The following SATB2 variants were observed in gnomAD, a reference collection of about 807,000 sequenced individuals.
SATB2 encodes the protein DNA-binding protein SATB2.
A neutral mutation model predicts 73.4 loss-of-function variants in SATB2; 1 was observed. The ratio of observed to expected loss-of-function variants is 0.01; its 90% CI spans 0.00 to 0.06. The LOEUF (loss-of-function observed/expected upper bound fraction) is 0.06, where lower values mean the gene tolerates loss of function less well. Among genes scored for constraint, SATB2 ranks in the 10% least tolerant of loss-of-function variants. SATB2 has a pLI of 1.00. For missense variants in SATB2, 459 were observed against 945.8 expected, an observed-to-expected ratio of 0.49 and a Z score of 6.75; for synonymous variants, 397 against 367.0, an observed-to-expected ratio of 1.08 and a Z score of -0.93.
chr2:199,339,561 A>T (rs1362266687), intron 7 of SATB2, among the ~76,000 whole-genome samples: 2 of 152,066 alleles, frequency 1.3e-5, no homozygotes, highest in Non-Finnish European at 2.9e-5. Context: ...TCCTTTTTTC[A>T]CAGGTTTCCT....
At chr2:199,387,163 A>G (rs1187700237) in intron 3 of SATB2, among the ~76,000 whole-genome samples, 1 of 152,200 alleles carries the variant, frequency 6.6e-6, no homozygotes, top group Non-Finnish European at 1.5e-5. Flanking sequence ...TTTCAAGGAC[A>G]TAAGTGGATG....
At chr2:199,447,987 C>G (rs79648389) in intron 2 of SATB2, among the ~76,000 whole-genome samples, 145 of 152,192 alleles carry the variant, frequency 9.5e-4, no homozygotes, top group African/African-American at 3.3e-3. Context: ...GAAATGGGTC[C>G]AAAACAACAT....
intron 3 of SATB2, among the ~76,000 whole-genome samples, chr2:199,408,187 T>C (rs1292996133): frequency 6.6e-6 from 1 of 152,162 alleles, no homozygotes; most frequent in Non-Finnish European, 1.5e-5. Context: ...ATGATTTGGG[T>C]GAAGACGCTT....
At chr2:199,300,167 G>C (rs761370441) in intron 10 of SATB2, among the ~76,000 whole-genome samples, 25 of 151,768 alleles carry the variant, frequency 1.6e-4, no homozygotes, top group Non-Finnish European at 3.5e-4. Context: ...TAAAAGGAGA[G>C]AGGGAAGGAG....
chr2:199,324,815 C>T (rs1687986467), intron 8 of SATB2, among the ~76,000 whole-genome samples: 1 of 152,136 alleles, frequency 6.6e-6, no homozygotes, highest in South Asian at 2.1e-4. Context: ...GAGACATTTT[C>T]TTAGAACCTC....
At chr2:199,306,695 A>G (rs1023384694) in intron 10 of SATB2, among the ~76,000 whole-genome samples, 1 of 152,164 alleles carries the variant, frequency 6.6e-6, no homozygotes, top group African/African-American at 2.4e-5. Flanking sequence ...ACTGTACTCA[A>G]ACTGGCCAAC....
At chr2:199,425,775 A>G (rs1351149566) in intron 3 of SATB2, among the ~76,000 whole-genome samples, 1 of 152,230 alleles carries the variant, frequency 6.6e-6, no homozygotes, top group Non-Finnish European at 1.5e-5. Flanking sequence ...TTAGATATTC[A>G]ATCTTAACTA....
rs1213212762 is a variant in SATB2, at chr2:199,308,568, G to A, written c.1740+192C>T. Among the ~76,000 whole-genome samples, 3 of 150,908 alleles carry A rather than the reference G, an allele frequency of 2.0e-5. No individual in the cohort carries two copies. The highest frequency in any genetic ancestry group is 6.6e-5 in the Admixed American group (1 of 15,198). On this transcript the variant is annotated intron_variant, in intron 10 of 10. Transcript: ENST00000417098. The surrounding 1 kb of genome is among the most constrained non-coding windows in gnomAD (Gnocchi z 4.6). ...TGTGCATACACACACACACACGCAC[G>A]CACATGCACACACACACACATACAC... is the stretch of plus-strand genomic sequence containing the variant.
At chr2:199,352,580 TC>T (rs1283072281) in intron 6 of SATB2, among the ~76,000 whole-genome samples, 1 of 152,150 alleles carries the variant, frequency 6.6e-6, no homozygotes, top group Non-Finnish European at 1.5e-5. Flanking sequence ...ACATATTACA[TC>T]CGTAGTAACA....
At chr2:199,331,765 GA>G (rs1030687356) in intron 7 of SATB2, among the ~76,000 whole-genome samples, 3 of 152,028 alleles carry the variant, frequency 2.0e-5, no homozygotes, top group African/African-American at 4.8e-5. Flanking sequence ...CATCAGAGGA[GA>G]AAAAAATCAG....
Position 199,366,919 on chromosome 2 carries a change from CACAA to C in SATB2, c.700+1682_700+1685del, listed in dbSNP as rs1382823884. 5.0e-3 allele frequency among the ~76,000 whole-genome samples: 755 copies of C among 151,814 alleles called. 13 individuals carry two copies. Among genetic ancestry groups the C allele is most frequent in the African/African-American group, 0.016 (669 of 41,404 alleles). On this transcript the variant is annotated intron_variant, in intron 6 of 10. Transcript: ENST00000417098. ...GTGCGAATGCACACACACACACACACACAAACACACACACACATTCTGTAGTGGC... is the reference window on the plus strand; with the variant it reads ...GTGCGAATGCACACACACACACACACACACACACACACATTCTGTAGTGGC...
intron 2 of SATB2, among the ~76,000 whole-genome samples, chr2:199,453,281 A>G (rs1692181583): frequency 6.6e-6 from 1 of 152,116 alleles, no homozygotes; most frequent in Non-Finnish European, 1.5e-5. Context: ...TTTAAGAAAG[A>G]GGAACACTAA....
chr2:199,279,031 G>A (rs1455787495), intron 10 of SATB2, among the ~76,000 whole-genome samples: 1 of 152,122 alleles, frequency 6.6e-6, no homozygotes, highest in Non-Finnish European at 1.5e-5. Context: ...TTATGGGTAG[G>A]AATAAACAAA....
chr2:199,386,683 T>G (rs1689944103), intron 3 of SATB2, among the ~76,000 whole-genome samples: 1 of 138,702 alleles, frequency 7.2e-6, no homozygotes. Flanking sequence ...AAATATTTCA[T>G]ACACGTGCGC....
chr2:199,314,571 T>A (rs1445510978), intron 9 of SATB2, among the ~76,000 whole-genome samples: 1 of 152,150 alleles, frequency 6.6e-6, no homozygotes, highest in Non-Finnish European at 1.5e-5. Flanking sequence ...ACATATATTA[T>A]CTAATTGTCA....
chr2:199,386,749 CACA>C (rs2105875698), intron 3 of SATB2, among the ~76,000 whole-genome samples: 1 of 148,896 alleles, frequency 6.7e-6, no homozygotes, highest in Admixed American at 6.6e-5. Context: ...CACACACACA[CACA>C]CACACACACA....
intron 2 of SATB2, among the ~76,000 whole-genome samples, chr2:199,439,807 T>C (rs1486107229): frequency 6.6e-6 from 1 of 151,856 alleles, no homozygotes; most frequent in African/African-American, 2.4e-5. Context: ...CTTCTTTCCA[T>C]CCTAAAATAA....
upstream of SATB2, among the ~76,000 whole-genome samples, chr2:199,469,072 C>T (rs1473127613): frequency 2.6e-5 from 4 of 152,086 alleles, no homozygotes; most frequent in Non-Finnish European, 5.9e-5. Flanking sequence ...AAAGGCCGCG[C>T]GGAGGCGAGA....
At chr2:199,328,963 T>C in intron 7 of SATB2, 53 bp from the exon 8 acceptor site, 1 of 1,409,234 alleles carries the variant, frequency 7.1e-7, no homozygotes. Flanking sequence ...GGTATATGTG[T>C]GTGGTTTCTG....
Sources: allele counts gnomAD v4.1 joint callset (sites outside exome capture counted in the v4.1 genomes callset), GRCh38; gene constraint gnomAD v4.1.1; non-coding constraint Gnocchi (gnomAD v3.1); transcripts MANE v1.5; gene names NCBI Gene and HGNC (gene_info 2026-07-23, HGNC 2026-07-21).